The following IDE variants were observed in gnomAD, a reference collection of about 807,000 sequenced individuals.
IDE encodes the protein insulin-degrading enzyme.
Under a neutral mutation model 133.2 loss-of-function variants are expected in IDE, and 58 were observed. That is an observed-to-expected ratio of 0.44 (90% CI 0.35 to 0.54). The LOEUF is 0.54. IDE is among the 20% of genes least tolerant of loss of function. The pLI is 0.00. For missense variants in IDE, 981 were observed against 1,234.0 expected (o/e 0.79, Z 3.07); for synonymous variants, 396 against 421.3 (o/e 0.94, Z 0.73).
At chr10:92,518,901 A>G (rs570232022) in intron 4 of IDE, among the ~76,000 whole-genome samples, 7 of 152,310 alleles carry the variant, frequency 4.6e-5, no homozygotes, top group African/African-American at 1.7e-4. Context: ...CAGGAGCAGG[A>G]AGGAAAATGC....
chr10:92,536,965 G>C (rs1009627217), intron 2 of IDE, among the ~76,000 whole-genome samples: 10 of 151,510 alleles, frequency 6.6e-5, no homozygotes, highest in African/African-American at 2.4e-4. Context: ...TTGAACCCAG[G>C]AGGCAGAGGT....
At chr10:92,500,157 C>A (rs1186482333) in intron 11 of IDE, among the ~76,000 whole-genome samples, 1 of 151,956 alleles carries the variant, frequency 6.6e-6, no homozygotes, top group Non-Finnish European at 1.5e-5. Flanking sequence ...ATTAGCCAGA[C>A]ATGGTGGTGC....
intron 15 of IDE, 32 bp from the exon 16 acceptor site, chr10:92,476,026 A>G (rs1412626384): frequency 2.2e-6 from 2 of 916,186 alleles, no homozygotes; most frequent in Non-Finnish European, 1.7e-6. Flanking sequence ...TTAAAAGTCT[A>G]AAAATATCAC....
intron 1 of IDE, among the ~76,000 whole-genome samples, chr10:92,564,448 G>C (rs1843424793): frequency 2.0e-5 from 3 of 151,930 alleles, no homozygotes; most frequent in South Asian, 2.1e-4. Flanking sequence ...GAGGCCGGCA[G>C]ATCACTTGAG....
chr10:92,550,747 G>C (rs1589525908), intron 1 of IDE, among the ~76,000 whole-genome samples: 1 of 151,890 alleles, frequency 6.6e-6, no homozygotes, highest in South Asian at 2.1e-4. Flanking sequence ...GCATGCGCCT[G>C]TAGTCCCAGC....
chr10:92,477,876 T>C (rs1225454700), intron 15 of IDE, among the ~76,000 whole-genome samples: 1 of 152,190 alleles, frequency 6.6e-6, no homozygotes, highest in African/African-American at 2.4e-5. Flanking sequence ...AACATTCTTA[T>C]ACATTAAACA....
chr10:92,547,076 TTTC>T (rs996253607), intron 1 of IDE, among the ~76,000 whole-genome samples: 72 of 151,922 alleles, frequency 4.7e-4, no homozygotes, highest in African/African-American at 1.1e-3. Flanking sequence ...CTGTCATGGT[TTTC>T]TTCTTCTTCT....
chr10:92,467,735 T>C (rs1173712959), intron 19 of IDE, among the ~76,000 whole-genome samples: 1 of 152,206 alleles, frequency 6.6e-6, no homozygotes, highest in Non-Finnish European at 1.5e-5. Flanking sequence ...GATCAGCACA[T>C]CCTGAGTCTT....
chr10:92,470,156 C>T, intron 18 of IDE, 98 bp downstream of exon 18: 1 of 792,396 alleles, frequency 1.3e-6, no homozygotes, highest in African/African-American at 1.7e-5. Flanking sequence ...TAATGTGTTC[C>T]TTATCACACC....
intron 16 of IDE, among the ~76,000 whole-genome samples, chr10:92,475,658 C>T (rs1846215976): frequency 6.6e-6 from 1 of 152,058 alleles, no homozygotes; most frequent in African/African-American, 2.4e-5. Flanking sequence ...TTGCAGTGAG[C>T]TCTTGGCACC....
rs764635158 is a variant in IDE, at chr10:92,461,265, T to A, written c.2762-13A>T. The A allele has an allele frequency of 7.6e-7, 1 of 1,314,944 alleles. No homozygotes were observed. Among genetic ancestry groups the A allele is most frequent in the South Asian group, 1.2e-5 (1 of 84,350 alleles). 81.5% of individuals were successfully genotyped at this position (1,314,944 alleles called of 1,614,324 possible). On this transcript the variant is annotated splice_polypyrimidine_tract_variant and intron_variant, in intron 21 of 24. Transcript: ENST00000265986. ...ACCTCAGTGTTATCTGAAAAAGTAA[T>A]CAAACAATATTTTACTAACATTTTC...
At chr10:92,513,701 T>C (rs1848749509) in intron 5 of IDE, among the ~76,000 whole-genome samples, 2 of 150,706 alleles carry the variant, frequency 1.3e-5, no homozygotes, top group Non-Finnish European at 3.0e-5. Context: ...TAAGAACATA[T>C]ATTCATATAT....
intron 2 of IDE, among the ~76,000 whole-genome samples, chr10:92,537,152 A>T (rs936883196): frequency 2.6e-5 from 4 of 152,220 alleles, no homozygotes; most frequent in Admixed American, 2.0e-4. Flanking sequence ...AGGTCACCTT[A>T]GGTGGGAACC....
intron 14 of IDE, among the ~76,000 whole-genome samples, chr10:92,481,695 A>T (rs1037361377): frequency 2.0e-5 from 3 of 152,234 alleles, no homozygotes; most frequent in African/African-American, 7.2e-5. Context: ...CACACATGAA[A>T]ATTTCAATTA....
rs769934676 is a variant in IDE at position 92,474,922 on chromosome 10, G to A, written c.2035C>T (p.His679Tyr). 1.2e-6 allele frequency: 2 copies of A among 1,613,322 alleles called. No homozygotes were observed. The highest frequency in any genetic ancestry group is 1.7e-5 in the Admixed American group (1 of 59,988). The change falls in exon 17 of 25, where the codon CAC becomes TAC. Residue 679 changes from histidine to tyrosine, a missense_variant. By Grantham distance (83) the His-to-Tyr change is moderately conservative (BLOSUM62 2). This residue lies in a region of IDE where 660 missense variants were observed against 894.7 expected (regional missense o/e 0.74). Coordinates refer to ENST00000265986, the MANE Select transcript of IDE (RefSeq NM_004969.4). ...CGGAGGTAGTACATGGCATGCTGGTGAGGCTGTTCAGCCCGGAAATTGTTA... is the reference window on the plus strand; with the variant it reads ...CGGAGGTAGTACATGGCATGCTGGTAAGGCTGTTCAGCCCGGAAATTGTTA... ...SLNNFRAEQP[H>Y]QHAMYYLRLL...
rs79170323 is a variant in IDE, at chr10:92,552,264, A to G, written c.99-14714T>C. On this transcript the variant is annotated intron_variant, in intron 1 of 24. Transcript: ENST00000265986. ...CTCACAGGTGAGCTAGCAATTATGA[A>G]ACTATGTGTACACTAGAATTGAGGA... is the stretch of plus-strand genomic sequence containing the variant. Among the ~76,000 whole-genome samples, 1,424 of 152,302 alleles carry G rather than the reference A, an allele frequency of 9.3e-3. 8 individuals are homozygous for G. The highest frequency in any genetic ancestry group is 0.018 in the East Asian group (92 of 5,188).
rs547343901 is a variant in IDE, at chr10:92,504,632, A to G, written c.1430+162T>C. ...ATAGATTAAAAAAGACTGGCCATGTATCAATGGTTGAAGCTTGGTGTTGCT... is the reference window on the plus strand; with the variant it reads ...ATAGATTAAAAAAGACTGGCCATGTGTCAATGGTTGAAGCTTGGTGTTGCT... On this transcript the variant is annotated intron_variant, in intron 11 of 24. Coordinates refer to ENST00000265986, the MANE Select transcript of IDE (RefSeq NM_004969.4). Among the ~76,000 whole-genome samples the G allele has an allele frequency of 3.3e-5, 5 of 152,308 alleles. No individual in the cohort carries two copies. In the South Asian group the frequency reaches 8.3e-4, roughly 25 times the overall value.
chr10:92,519,278 G>A (rs904200868), intron 4 of IDE, among the ~76,000 whole-genome samples: 4 of 152,160 alleles, frequency 2.6e-5, no homozygotes, highest in African/African-American at 4.8e-5. Context: ...GGAGAACAAC[G>A]TGAATAAGGC....
intron 1 of IDE, among the ~76,000 whole-genome samples, chr10:92,566,411 TCTCACACACACACA>T: frequency 7.0e-6 from 1 of 143,056 alleles, no homozygotes; most frequent in East Asian, 2.0e-4. Flanking sequence ...TCTCTCTCTC[TCTCACACACACACA>T]CACACACACA....
Sources: allele counts gnomAD v4.1 joint callset (sites outside exome capture counted in the v4.1 genomes callset), GRCh38; gene constraint gnomAD v4.1.1; regional missense constraint gnomAD v4.1.1; transcripts MANE v1.5; gene names NCBI Gene and HGNC (gene_info 2026-07-23, HGNC 2026-07-21).